The following MAP3K14 variants were observed in gnomAD, a reference collection of about 807,000 sequenced individuals.
MAP3K14 encodes mitogen-activated protein kinase kinase kinase 14, also known as NF-kappa-beta-inducing kinase.
In MAP3K14, 16 loss-of-function variants were observed where a neutral mutation model predicts 99.2. That is an observed-to-expected ratio of 0.16 (90% CI 0.11 to 0.24). MAP3K14 has a LOEUF of 0.24. Ranked by LOEUF, MAP3K14 falls within the 10% of genes least tolerant of loss-of-function variation. The pLI is 1.00. For missense variants in MAP3K14, 784 were observed against 1,208.7 expected, an observed-to-expected ratio of 0.65 and a Z score of 5.21; for synonymous variants, 462 against 492.4, an observed-to-expected ratio of 0.94 and a Z score of 0.82.
intron 1 of MAP3K14, among the ~76,000 whole-genome samples, chr17:45,314,125 G>T (rs1167448257): frequency 6.6e-6 from 1 of 152,182 alleles, no homozygotes. Context: ...GAAGAAAAAT[G>T]ACTTTTTCTG....
intron 14 of MAP3K14, chr17:45,266,268 T>C: frequency 2.6e-6 from 1 of 385,704 alleles, no homozygotes; most frequent in South Asian, 8.7e-5. Context: ...ACTGCTCTCC[T>C]CCCCAAGCTA....
chr17:45,291,100 C>T (rs916127933), intron 1 of MAP3K14: 11 of 223,024 alleles, frequency 4.9e-5, no homozygotes, highest in East Asian at 9.4e-5. Flanking sequence ...TATGATGGCT[C>T]GATCTTTTTC....
chr17:45,290,725 G>C lies in MAP3K14; in HGVS notation c.21C>G (p.Ala7=), dbSNP rs554734754. The C allele has an allele frequency of 4.3e-6, 7 of 1,613,106 alleles. No individual in the cohort carries two copies. Among genetic ancestry groups the C allele is most frequent in the Non-Finnish European group, 5.9e-6 (7 of 1,179,608 alleles). MAVMEM[A]CPGAPGSAVG... Reference sequence around the variant, plus strand: ...CTGCTGAGCCAGGGGCACCTGGGCAGGCCATTTCCATCACTGCCATCTCCC... The same window carrying C: ...CTGCTGAGCCAGGGGCACCTGGGCACGCCATTTCCATCACTGCCATCTCCC... Residue 7 remains alanine, a synonymous_variant, in exon 2 of 16, where the codon GCC becomes GCG. Transcript: ENST00000344686.
At chr17:45,307,897 C>A (rs75184106) in intron 1 of MAP3K14, among the ~76,000 whole-genome samples, 14,932 of 152,302 alleles carry the variant, frequency 0.098, 893 homozygotes, top group Admixed American at 0.15. Flanking sequence ...CGCCCTGTGG[C>A]GGGGCAACCT....
chr17:45,264,886 ACCGGCAGC>A (rs1032830930), intron 15 of MAP3K14, 86 bp from the exon 16 acceptor site: 1 of 1,422,922 alleles, frequency 7.0e-7, no homozygotes, highest in African/African-American at 1.4e-5. Context: ...TTCCAGCCAG[ACCGGCAGC>A]CCTAAGGGCA....
Position 45,290,621 on chromosome 17 carries a change from A to G in MAP3K14, c.125T>C (p.Leu42Pro). 1.2e-6 allele frequency: 2 copies of G among 1,613,676 alleles called. No homozygotes were observed. The highest frequency in any genetic ancestry group is 1.7e-6 in the Non-Finnish European group (2 of 1,179,858). Residue 42 changes from leucine to proline, a missense_variant, in exon 2 of 16, where the codon CTT becomes CCT. Physicochemically the swap from Leu to Pro is moderately conservative, Grantham distance 98. Around this residue, in one of 5 missense-constraint regions of MAP3K14, gnomAD observed 188 missense variants for 313.0 expected, o/e 0.60. Transcript: ENST00000344686. The part of the protein sequence containing the change: ...LGKKQSSVYK[L>P]EAVEKSPVFC... ...CACAGGGCTCTTCTCCACGGCCTCA[A>G]GCTTGTAGACGGAGCTCTGTTTCTT...
At chr17:45,305,575 ATTT>A (rs532618981) in intron 1 of MAP3K14, among the ~76,000 whole-genome samples, 1 of 151,510 alleles carries the variant, frequency 6.6e-6, no homozygotes, top group African/African-American at 2.4e-5. Flanking sequence ...TCATTTATTT[ATTT>A]TTTTGTAGAA....
intron 10 of MAP3K14, 109 bp downstream of exon 10, chr17:45,270,949 G>A: frequency 1.4e-6 from 2 of 1,409,016 alleles, no homozygotes; most frequent in Non-Finnish European, 1.9e-6. Context: ...TGGATGACCA[G>A]GCCTCCCCTT....
chr17:45,271,156 C>T lies in MAP3K14; in HGVS notation c.1723G>A (p.Ala575Thr), dbSNP rs553580666. The change falls in exon 10 of 16, where the codon GCC becomes ACC. Residue 575 changes from alanine to threonine, a missense_variant. Ala to Thr is a moderately conservative substitution (Grantham distance 58). Coordinates refer to ENST00000344686, the MANE Select transcript of MAP3K14 (RefSeq NM_003954.5). ...CAGCTGCTCCAGACATCCACCTTGG[C>T]GTCGCAGCTCCTGCCCAGCACCACC... ...PEVVLGRSCD[A>T]KVDVWSSCCM... 3.5e-5 allele frequency: 56 copies of T among 1,613,468 alleles called. No individual in the cohort carries two copies. The highest frequency in any genetic ancestry group is 4.0e-5 in the African/African-American group (3 of 75,014).
intron 3 of MAP3K14, among the ~76,000 whole-genome samples, chr17:45,288,760 C>T (rs1011403595): frequency 4.6e-5 from 7 of 152,096 alleles, no homozygotes; most frequent in Admixed American, 6.6e-5. Flanking sequence ...TCCTTTCTAC[C>T]GGGCCACCAA....
At chr17:45,281,125 C>G (rs2044219000) in intron 6 of MAP3K14, among the ~76,000 whole-genome samples, 1 of 152,048 alleles carries the variant, frequency 6.6e-6, no homozygotes, top group Admixed American at 6.5e-5. Context: ...GGGACAGGGT[C>G]TCACTCTGTT....
chr17:45,314,681 C>T (rs186104743), intron 1 of MAP3K14, among the ~76,000 whole-genome samples: 15 of 151,672 alleles, frequency 9.9e-5, no homozygotes, highest in Middle Eastern at 3.4e-3. Context: ...TGCCTTTATG[C>T]GTATTGGGCT....
At chr17:45,275,432 C>T (rs185241107) in intron 6 of MAP3K14, among the ~76,000 whole-genome samples, 21 of 148,014 alleles carry the variant, frequency 1.4e-4, no homozygotes, top group African/African-American at 5.3e-4. Context: ...CGCAATAAGC[C>T]GAGGTCGCAC....
rs745632319 is a variant in MAP3K14, at chr17:45,271,233, G to A, written c.1658-12C>T. The A allele has an allele frequency of 6.9e-6, 11 of 1,596,654 alleles. No individual in the cohort carries two copies. The highest frequency in any genetic ancestry group is 2.7e-5 in the African/African-American group (2 of 73,738). ...AGGGATGTAGTCCCCTGAGAAGGGG[G>A]ATGAGACATAAAGTTACCTGGAATG... is the stretch of plus-strand genomic sequence containing the variant. On this transcript the variant is annotated splice_polypyrimidine_tract_variant and intron_variant, in intron 9 of 15. Coordinates refer to ENST00000344686, the MANE Select transcript of MAP3K14 (RefSeq NM_003954.5).
intron 6 of MAP3K14, among the ~76,000 whole-genome samples, chr17:45,279,870 G>A (rs2044208304): frequency 6.6e-6 from 1 of 152,210 alleles, no homozygotes; most frequent in African/African-American, 2.4e-5. Context: ...GAATATTAGA[G>A]GGTCCCGCCT....
chr17:45,298,178 T>C (rs1156567936), intron 1 of MAP3K14, among the ~76,000 whole-genome samples: 2 of 152,208 alleles, frequency 1.3e-5, no homozygotes, highest in East Asian at 3.8e-4. Context: ...ACAGTTAGTA[T>C]GTATGTTGAT....
At chr17:45,279,398 A>G (rs984249186) in intron 6 of MAP3K14, among the ~76,000 whole-genome samples, 1 of 151,116 alleles carries the variant, frequency 6.6e-6, no homozygotes, top group Admixed American at 6.6e-5. Context: ...AAGTGCTGGG[A>G]TTACAGGCGT....
intron 1 of MAP3K14, among the ~76,000 whole-genome samples, chr17:45,295,827 T>G (rs896659226): frequency 6.6e-6 from 1 of 152,180 alleles, no homozygotes; most frequent in African/African-American, 2.4e-5. Flanking sequence ...GCTAAATGAA[T>G]GTTCATTCCC....
intron 1 of MAP3K14, among the ~76,000 whole-genome samples, chr17:45,300,935 G>A (rs1432593805): frequency 6.6e-6 from 1 of 152,148 alleles, no homozygotes. Context: ...GGGAGGCCAA[G>A]GCAGGAGGAT....
Sources: allele counts gnomAD v4.1 joint callset (sites outside exome capture counted in the v4.1 genomes callset), GRCh38; gene constraint gnomAD v4.1.1; regional missense constraint gnomAD v4.1.1; transcripts MANE v1.5; gene names NCBI Gene and HGNC (gene_info 2026-07-23, HGNC 2026-07-21).